The following ATP2B2 variants were observed in gnomAD, a reference collection of about 807,000 sequenced individuals.
ATP2B2 encodes the protein ATPase plasma membrane Ca2+ transporting 2.
In ATP2B2, 15 loss-of-function variants were observed where a neutral mutation model predicts 120.0. The observed-to-expected ratio is 0.12, with a 90% CI of 0.08 to 0.19. ATP2B2 has a LOEUF of 0.19. Among genes scored for constraint, ATP2B2 ranks in the 10% least tolerant of loss-of-function variants. ATP2B2 has a pLI of 1.00. For missense variants in ATP2B2, 1,045 were observed against 1,719.8 expected (o/e 0.61, Z 6.94); for synonymous variants, 694 against 700.3 (o/e 0.99, Z 0.14).
At chr3:10,517,323 G>A (rs1031967439) in intron 3 of ATP2B2, among the ~76,000 whole-genome samples, 7 of 152,214 alleles carry the variant, frequency 4.6e-5, no homozygotes, top group African/African-American at 1.7e-4. Flanking sequence ...CCAGCCTGGG[G>A]AGGGAGGTGG....
chr3:10,544,987 C>T (rs1007684795), intron 2 of ATP2B2, among the ~76,000 whole-genome samples: 2 of 152,108 alleles, frequency 1.3e-5, no homozygotes, highest in Non-Finnish European at 2.9e-5. Flanking sequence ...ACCATATGCC[C>T]AACAGCCAGA....
At chr3:10,386,556 C>A (rs878899462) in intron 6 of ATP2B2, 44 bp from the exon 7 acceptor site, 7 of 1,609,750 alleles carry the variant, frequency 4.3e-6, no homozygotes, top group South Asian at 1.1e-5. Flanking sequence ...GAGAAGCACA[C>A]AGCCTCATCT....
At chr3:10,403,685 T>C (rs2062308809) in intron 3 of ATP2B2, among the ~76,000 whole-genome samples, 1 of 152,110 alleles carries the variant, frequency 6.6e-6, no homozygotes, top group African/African-American at 2.4e-5. Context: ...GCAGTTCCCC[T>C]CCACGGGGGC....
intron 1 of ATP2B2, among the ~76,000 whole-genome samples, chr3:10,460,967 A>T (rs189904164): frequency 1.4e-4 from 21 of 152,116 alleles, no homozygotes; most frequent in Non-Finnish European, 3.1e-4. Context: ...TTACTTTTGG[A>T]TAGTTGAGTG....
chr3:10,362,880 A>C (rs879803823), intron 12 of ATP2B2, among the ~76,000 whole-genome samples: 5 of 152,162 alleles, frequency 3.3e-5, no homozygotes, highest in South Asian at 2.1e-4. Context: ...ATATATATAT[A>C]TCTCACACAC....
At chr3:10,642,537 A>G (rs751309710) in intron 1 of ATP2B2, among the ~76,000 whole-genome samples, 4 of 152,132 alleles carry the variant, frequency 2.6e-5, no homozygotes, top group Non-Finnish European at 5.9e-5. Flanking sequence ...ACACCCACAC[A>G]CGTACACACA....
At chr3:10,589,860 G>A (rs2068601142) in intron 2 of ATP2B2, among the ~76,000 whole-genome samples, 1 of 152,192 alleles carries the variant, frequency 6.6e-6, no homozygotes, top group Non-Finnish European at 1.5e-5. Flanking sequence ...TGCCTACTCT[G>A]AAAAAGAGTT....
At chr3:10,707,240 G>T (rs2071909320) in intron 1 of ATP2B2, among the ~76,000 whole-genome samples, 1 of 152,224 alleles carries the variant, frequency 6.6e-6, no homozygotes, top group African/African-American at 2.4e-5. Flanking sequence ...CCGAGCTCTT[G>T]TGTCACCAGG....
intron 2 of ATP2B2, among the ~76,000 whole-genome samples, chr3:10,563,147 T>C (rs2067939478): frequency 1.3e-5 from 2 of 152,246 alleles, no homozygotes; most frequent in Non-Finnish European, 2.9e-5. Flanking sequence ...GTTGGCTGTA[T>C]GCCAGGCACT....
intron 1 of ATP2B2, chr3:10,626,301 A>T (rs918709945): frequency 6.6e-6 from 1 of 152,254 alleles, no homozygotes; most frequent in Non-Finnish European, 1.5e-5. Context: ...CCACTTTGCC[A>T]TCTCTTCTTT....
chr3:10,518,832 G>A (rs1297231616), intron 3 of ATP2B2, among the ~76,000 whole-genome samples: 1 of 152,226 alleles, frequency 6.6e-6, no homozygotes, highest in African/African-American at 2.4e-5. Context: ...GGGGACAGGT[G>A]TGGGGCAGGG....
At chr3:10,628,579 AAAGTGATGGCATTCAC>A (rs543057753) in intron 1 of ATP2B2, among the ~76,000 whole-genome samples, 213 of 152,322 alleles carry the variant, frequency 1.4e-3, no homozygotes, top group African/African-American at 4.8e-3. Context: ...TGCAATAGTG[AAAGTGATGGCATTCAC>A]AATTCCGACC....
chr3:10,437,461 T>C (rs1350872698), intron 2 of ATP2B2, among the ~76,000 whole-genome samples: 3 of 152,178 alleles, frequency 2.0e-5, no homozygotes, highest in African/African-American at 7.2e-5. Flanking sequence ...GTGGCAAAGC[T>C]GGGGTTCAGA....
intron 3 of ATP2B2, among the ~76,000 whole-genome samples, chr3:10,408,328 G>A (rs1575143958): frequency 6.6e-6 from 1 of 152,078 alleles, no homozygotes; most frequent in Non-Finnish European, 1.5e-5. Flanking sequence ...TCTGTCTCAG[G>A]GTTTTTTGTT....
chr3:10,376,695 G>A (rs1212485955), intron 10 of ATP2B2, among the ~76,000 whole-genome samples: 1 of 152,226 alleles, frequency 6.6e-6, no homozygotes, highest in Non-Finnish European at 1.5e-5. Context: ...GCCTGGGAAT[G>A]CACTCCCATC....
chr3:10,658,357 A>G (rs1166000777), intron 1 of ATP2B2, among the ~76,000 whole-genome samples: 4 of 152,204 alleles, frequency 2.6e-5, no homozygotes, highest in African/African-American at 9.6e-5. Context: ...AAAAGATTAG[A>G]CGAATGGCTA....
At chr3:10,522,416 T>C (rs978198143) in intron 3 of ATP2B2, among the ~76,000 whole-genome samples, 1 of 152,162 alleles carries the variant, frequency 6.6e-6, no homozygotes, top group Non-Finnish European at 1.5e-5. Context: ...CCTGAGACCT[T>C]CCCTGGGATC....
chr3:10,646,133 T>C (rs1346534891), intron 1 of ATP2B2, among the ~76,000 whole-genome samples: 2 of 152,192 alleles, frequency 1.3e-5, no homozygotes, highest in Non-Finnish European at 2.9e-5. Flanking sequence ...CCGATATCAA[T>C]GTTTGTGAGA....
At chr3:10,644,037 C>CTAG (rs1400879656) in intron 1 of ATP2B2, among the ~76,000 whole-genome samples, 1 of 152,096 alleles carries the variant, frequency 6.6e-6, no homozygotes, top group Non-Finnish European at 1.5e-5. Context: ...TGATAAGAGT[C>CTAG]TAGTATCCAG....
Sources: allele counts gnomAD v4.1 joint callset (sites outside exome capture counted in the v4.1 genomes callset), GRCh38; gene constraint gnomAD v4.1.1; transcripts MANE v1.5; gene names NCBI Gene and HGNC (gene_info 2026-07-23, HGNC 2026-07-21).